The following CCDC60 variants were observed in gnomAD, a reference collection of about 807,000 sequenced individuals.
CCDC60 encodes the protein coiled-coil domain-containing protein 60.
In CCDC60, 54 loss-of-function variants were observed where a neutral mutation model predicts 63.5. The observed-to-expected ratio is 0.85, with a 90% CI of 0.68 to 1.07. The LOEUF is 1.07. Ranked by LOEUF, CCDC60 falls within the 50% of genes least tolerant of loss-of-function variation. The pLI is 0.00. For synonymous variants in CCDC60, 206 were observed against 238.8 expected (o/e 0.86, Z 1.27); for missense variants, 651 against 684.3 (o/e 0.95, Z 0.54).
At chr12:119,444,410 A>C (rs1401184552) in intron 2 of CCDC60, among the ~76,000 whole-genome samples, 1 of 152,242 alleles carries the variant, frequency 6.6e-6, no homozygotes, top group Non-Finnish European at 1.5e-5. Context: ...GAGAAAAGTG[A>C]ATAAGAACAT....
chr12:119,343,986 A>G (rs2136145268), intron 1 of CCDC60, among the ~76,000 whole-genome samples: 1 of 152,184 alleles, frequency 6.6e-6, no homozygotes, highest in South Asian at 2.1e-4. Context: ...TTCTGTCCCA[A>G]AGGGTTGTCA....
At chr12:119,521,238 G>A (rs1350091275) in intron 9 of CCDC60, among the ~76,000 whole-genome samples, 1 of 152,098 alleles carries the variant, frequency 6.6e-6, no homozygotes, top group Non-Finnish European at 1.5e-5. Context: ...TAATGTGATA[G>A]GCAAATACCT....
intron 1 of CCDC60, among the ~76,000 whole-genome samples, chr12:119,388,668 A>G (rs1956101708): frequency 1.3e-5 from 2 of 152,216 alleles, no homozygotes; most frequent in Non-Finnish European, 2.9e-5. Context: ...CTATATGTAC[A>G]TCTTGGAAAC....
Position 119,483,937 on chromosome 12 carries a change from CT to C in CCDC60, c.449+4750del, listed in dbSNP as rs76087374. 5.1e-3 allele frequency among the ~76,000 whole-genome samples: 720 copies of C among 141,402 alleles called. 1 individual carries two copies. The highest frequency in any genetic ancestry group is 0.012 in the African/African-American group (452 of 38,394). The allele number at this position is 141,402 out of a possible 152,430, so 92.8% of individuals were successfully genotyped here. On this transcript the variant is annotated intron_variant, in intron 4 of 13. Coordinates refer to ENST00000327554, the MANE Select transcript of CCDC60 (RefSeq NM_178499.5). The stretch of plus-strand genomic sequence containing the variant: ...TTTCTATCAAGCATGCTTCTGGGGA[CT>C]TTTTTTTTTTTTTAATTTGTTTCAC...
intron 7 of CCDC60, among the ~76,000 whole-genome samples, chr12:119,513,539 C>T (rs1214769910): frequency 6.6e-6 from 1 of 152,210 alleles, no homozygotes; most frequent in Non-Finnish European, 1.5e-5. Context: ...CTATATATCT[C>T]TCTTTCCTAC....
chr12:119,392,001 G>C (rs1306438464), intron 1 of CCDC60, among the ~76,000 whole-genome samples: 1 of 152,258 alleles, frequency 6.6e-6, no homozygotes, highest in South Asian at 2.1e-4. Flanking sequence ...CCAGGAGAGG[G>C]CTCTGGAAGT....
intron 1 of CCDC60, among the ~76,000 whole-genome samples, chr12:119,369,708 C>T (rs932798059): frequency 6.6e-6 from 1 of 152,186 alleles, no homozygotes; most frequent in South Asian, 2.1e-4. Flanking sequence ...GTAATTAGCT[C>T]GTGGGGTTGT....
At chr12:119,391,004 T>C (rs913694783) in intron 1 of CCDC60, among the ~76,000 whole-genome samples, 3 of 152,262 alleles carry the variant, frequency 2.0e-5, no homozygotes, top group African/African-American at 7.2e-5. Flanking sequence ...TTTTGTGTGA[T>C]GCCATTTCTC....
chr12:119,468,497 T>C (rs1046051221), intron 2 of CCDC60, among the ~76,000 whole-genome samples: 9 of 152,138 alleles, frequency 5.9e-5, no homozygotes, highest in African/African-American at 1.4e-4. Context: ...CTGGGATGGA[T>C]ATATGACATG....
intron 2 of CCDC60, among the ~76,000 whole-genome samples, chr12:119,441,983 T>G (rs1212550019): frequency 6.6e-6 from 1 of 152,236 alleles, no homozygotes; most frequent in African/African-American, 2.4e-5. Flanking sequence ...CAAGCCCATT[T>G]TTTTTAAAGT....
intron 1 of CCDC60, among the ~76,000 whole-genome samples, chr12:119,382,502 G>A (rs889264079): frequency 1.3e-5 from 2 of 152,214 alleles, no homozygotes; most frequent in African/African-American, 4.8e-5. Flanking sequence ...TCGTAACAGG[G>A]GGAAGAGCAT....
At chr12:119,490,944 T>C (rs1159272830) in intron 5 of CCDC60, among the ~76,000 whole-genome samples, 1 of 152,236 alleles carries the variant, frequency 6.6e-6, no homozygotes, top group Non-Finnish European at 1.5e-5. Flanking sequence ...AATGTATAAG[T>C]ATATAAAGTA....
intron 1 of CCDC60, among the ~76,000 whole-genome samples, chr12:119,368,390 A>C (rs1219553377): frequency 6.6e-6 from 1 of 152,154 alleles, no homozygotes; most frequent in Non-Finnish European, 1.5e-5. Context: ...AATGATAGTA[A>C]ATGATATTAA....
chr12:119,509,486 C>A (rs1247306999), intron 7 of CCDC60, among the ~76,000 whole-genome samples: 1 of 152,124 alleles, frequency 6.6e-6, no homozygotes. Flanking sequence ...GCCTGCAACC[C>A]TGAATGACAA....
chr12:119,485,995 C>A (rs1344860631), intron 4 of CCDC60, among the ~76,000 whole-genome samples: 1 of 152,120 alleles, frequency 6.6e-6, no homozygotes, highest in East Asian at 1.9e-4. Context: ...CCCACATATC[C>A]CAAAGCCCAG....
In CCDC60 at chr12:119,384,943, G is replaced by A. The variant is rs535729838; in HGVS notation, c.91-43740G>A. Among the ~76,000 whole-genome samples, 46 of 152,318 alleles carry A rather than the reference G, an allele frequency of 3.0e-4. 1 individual carries two copies. In the South Asian group the frequency reaches 7.7e-3, roughly 25 times the overall value. ...CTCCTGACCAAACATTGAGTGGGGGGGCTGATATCCAGCCCTTGCTTCACT... is the reference window on the plus strand; with the variant it reads ...CTCCTGACCAAACATTGAGTGGGGGAGCTGATATCCAGCCCTTGCTTCACT... On this transcript the variant is annotated intron_variant, in intron 1 of 13. Transcript: ENST00000327554.
At chr12:119,529,871 C>G (rs1275958081) in intron 12 of CCDC60, among the ~76,000 whole-genome samples, 1 of 152,148 alleles carries the variant, frequency 6.6e-6, no homozygotes, top group Non-Finnish European at 1.5e-5. Context: ...ATTCAGCCCA[C>G]AAATCTAATG....
At chr12:119,413,631 T>A (rs1956645506) in intron 1 of CCDC60, among the ~76,000 whole-genome samples, 2 of 152,196 alleles carry the variant, frequency 1.3e-5, no homozygotes, top group South Asian at 4.1e-4. Flanking sequence ...GGCCCCTGCA[T>A]GAAGATTAGG....
intron 1 of CCDC60, among the ~76,000 whole-genome samples, chr12:119,348,011 A>G (rs1955615395): frequency 6.6e-6 from 1 of 152,254 alleles, no homozygotes; most frequent in South Asian, 2.1e-4. Context: ...AGCCAAAAGG[A>G]TAACATGACT....
Sources: gnomAD v4.1 joint callset for allele counts (sites outside exome capture counted in the v4.1 genomes callset) on GRCh38, gnomAD v4.1.1 for gene constraint, MANE v1.5 for transcripts, NCBI Gene and HGNC (gene_info 2026-07-23, HGNC 2026-07-21) for gene names.